Variants in RAD9A observed in about 807,000 individuals in gnomAD.
RAD9A encodes the protein RAD9 checkpoint clamp component A, also known as cell cycle checkpoint control protein RAD9A.
A neutral mutation model predicts 41.2 loss-of-function variants in RAD9A; 25 were observed. That is an observed-to-expected ratio of 0.61 (90% CI 0.44 to 0.85). RAD9A has a LOEUF of 0.85. Among genes scored for constraint, RAD9A ranks in the 40% least tolerant of loss-of-function variants. RAD9A has a pLI of 0.00. For missense variants in RAD9A, 514 were observed against 518.3 expected, an observed-to-expected ratio of 0.99 and a Z score of 0.08; for synonymous variants, 252 against 210.6, an observed-to-expected ratio of 1.20 and a Z score of -1.70.
chr11:67,394,053 T>C (rs1862613024), intron 5 of RAD9A, among the ~76,000 whole-genome samples: 1 of 152,218 alleles, frequency 6.6e-6, no homozygotes, highest in Non-Finnish European at 1.5e-5. Flanking sequence ...AAGGTCTGAC[T>C]TGACTTTCTG....
Position 67,395,831 on chromosome 11 carries a change from G to T in RAD9A, c.559+6G>T. On this transcript the variant is annotated splice_donor_region_variant and intron_variant, in intron 6 of 10. Transcript: ENST00000307980. ...CTACCACGAGGAGGAGGCAGGTGAG[G>T]GGGCTGGACGTGGCCTGGGACAGCA... 19 of 1,613,552 alleles carry T rather than the reference G, an allele frequency of 1.2e-5. No individual in the cohort carries two copies. Among genetic ancestry groups the T allele is most frequent in the Non-Finnish European group, 1.6e-5 (19 of 1,179,908 alleles).
chr11:67,395,518 T>C lies in RAD9A; in HGVS notation c.450-198T>C, dbSNP rs572719210. ...CTCTGGGCCCTCTCCCTGGTCTGCA[T>C]GGTCAGGTGCCGCCTGCCAGGTTTG... On this transcript the variant is annotated intron_variant, in intron 5 of 10. Transcript: ENST00000307980. Among the ~76,000 whole-genome samples, 8 of 152,292 alleles carry C rather than the reference T, an allele frequency of 5.3e-5. No homozygotes were observed. In the South Asian group the frequency reaches 1.7e-3, roughly 32 times the overall value.
chr11:67,395,923 A>G lies in RAD9A; in HGVS notation c.571A>G (p.Lys191Glu). Reference sequence around the variant, plus strand: ...TTCTTCCCCAACAGACAGCACTGCCAAAGCCATGGTGACTGAGATGTGCCT... The same window carrying G: ...TTCTTCCCCAACAGACAGCACTGCCGAAGCCATGGTGACTGAGATGTGCCT... The part of the protein sequence containing the change: ...YHEEEADSTA[K>E]AMVTEMCLGE... The change falls in exon 7 of 11, where the codon AAA becomes GAA. Residue 191 changes from lysine to glutamate, a missense_variant. Physicochemically the swap from Lys to Glu is moderately conservative, Grantham distance 56. Transcript: ENST00000307980. The G allele has an allele frequency of 6.2e-7, 1 of 1,614,210 alleles. No homozygotes were observed. Among genetic ancestry groups the G allele is most frequent in the Non-Finnish European group, 8.5e-7 (1 of 1,180,034 alleles).
chr11:67,396,517 C>A, intron 9 of RAD9A, 117 bp downstream of exon 9: 1 of 1,311,574 alleles, frequency 7.6e-7, no homozygotes, highest in Non-Finnish European at 1.1e-6. Context: ...CCTTCTCTTT[C>A]TATCAGGCCC....
chr11:67,398,163 T>C lies in RAD9A; in HGVS notation c.*604T>C, dbSNP rs1862776324. ...AAGAGCTGCCAGGCAGTGTCTTAGATGTGAGACGGAGGCCATGGCGAGAAT... is the reference window on the plus strand; with the variant it reads ...AAGAGCTGCCAGGCAGTGTCTTAGACGTGAGACGGAGGCCATGGCGAGAAT... On this transcript the variant is annotated 3_prime_UTR_variant, in exon 11 of 11. Transcript: ENST00000307980. The C allele has an allele frequency of 3.5e-6, 1 of 285,814 alleles. No individual in the cohort carries two copies. The highest frequency in any genetic ancestry group is 4.9e-5 in the Admixed American group (1 of 20,226). 17.7% of individuals were successfully genotyped at this position (285,814 alleles called of 1,614,324 possible). A position where few individuals can be genotyped will look rare whatever the true frequency, so the allele number is the denominator to read the frequency against.
chr11:67,395,838 G>A lies in RAD9A; in HGVS notation c.559+13G>A. ...GAGGAGGAGGCAGGTGAGGGGGCTG[G>A]ACGTGGCCTGGGACAGCAGAGTGGC... is the stretch of plus-strand genomic sequence containing the variant. On this transcript the variant is annotated intron_variant, in intron 6 of 10. Coordinates refer to ENST00000307980, the MANE Select transcript of RAD9A (RefSeq NM_004584.3). The A allele has an allele frequency of 6.2e-7, 1 of 1,613,454 alleles. No homozygotes were observed. Among genetic ancestry groups the A allele is most frequent in the Non-Finnish European group, 8.5e-7 (1 of 1,179,806 alleles).
At chr11:67,395,119 TA>T (rs1163439925) in intron 5 of RAD9A, 1 of 152,452 alleles carries the variant, frequency 6.6e-6, no homozygotes. Flanking sequence ...TATATATGTT[TA>T]GTAGAGACGA....
At position 67,398,097 on chromosome 11, in the gene RAD9A, G is replaced by T; in HGVS notation, c.*538G>T. The T allele has an allele frequency of 4.8e-6, 1 of 207,790 alleles. No individual in the cohort carries two copies. Among genetic ancestry groups the T allele is most frequent in the Non-Finnish European group, 9.8e-6 (1 of 102,000 alleles). The allele number at this position is 207,790 out of a possible 1,614,324, so 12.9% of individuals were successfully genotyped here. On this transcript the variant is annotated 3_prime_UTR_variant, in exon 11 of 11. Coordinates refer to ENST00000307980, the MANE Select transcript of RAD9A (RefSeq NM_004584.3). ...CGAGTGTGTGGCTAGGGTTGCCCTG[G>T]CTGGGGCCCGGTGCCGAGACTCCCA...
In RAD9A at chr11:67,393,686, T is replaced by C. The variant is rs767673550; in HGVS notation, c.350-5T>C. The C allele has an allele frequency of 6.2e-7, 1 of 1,612,866 alleles. No individual in the cohort carries two copies. Among genetic ancestry groups the C allele is most frequent in the Non-Finnish European group, 8.5e-7 (1 of 1,179,118 alleles). On this transcript the variant is annotated splice_polypyrimidine_tract_variant and splice_region_variant and intron_variant, in intron 4 of 10. Transcript: ENST00000307980. ...AGGCCCACTGAGACCCTATCGCCCATCCAGGGGTGCGGAAGACTCACAACC... is the reference window on the plus strand; with the variant it reads ...AGGCCCACTGAGACCCTATCGCCCACCCAGGGGTGCGGAAGACTCACAACC...
chr11:67,397,225 A>G lies in RAD9A; in HGVS notation c.919A>G (p.Met307Val), dbSNP rs369628895. The G allele has an allele frequency of 6.8e-6, 11 of 1,613,586 alleles. No individual in the cohort carries two copies. The highest frequency in any genetic ancestry group is 4.0e-5 in the African/African-American group (3 of 74,840). Residue 307 changes from methionine to valine, a missense_variant, in exon 10 of 11, where the codon ATG (methionine) becomes GTG (valine). Met to Val is a conservative substitution (Grantham distance 21, BLOSUM62 1). Coordinates refer to ENST00000307980, the MANE Select transcript of RAD9A (RefSeq NM_004584.3). ...DFANDDIDSYMIAMETTIGNE... is the reference protein window; with the variant it reads ...DFANDDIDSYVIAMETTIGNE... ...TGCCAATGACGACATTGACTCTTACATGATCGCCATGGAAACCACTATAGG... is the reference window on the plus strand; with the variant it reads ...TGCCAATGACGACATTGACTCTTACGTGATCGCCATGGAAACCACTATAGG...
intron 9 of RAD9A, among the ~76,000 whole-genome samples, 166 bp downstream of exon 9, chr11:67,396,566 G>A (rs568469933): frequency 1.3e-5 from 2 of 152,264 alleles, no homozygotes; most frequent in Admixed American, 6.5e-5. Context: ...TGCCAGCCCT[G>A]CAGACTCAGC....
Position 67,397,614 on chromosome 11 carries a change from A to T in RAD9A, c.*55A>T. Reference sequence around the variant, plus strand: ...CCTTGGACTAGACGAAGCCCCAGCCAGTGGCAGAACTGGGTCTCTCAGCCC... The same window carrying T: ...CCTTGGACTAGACGAAGCCCCAGCCTGTGGCAGAACTGGGTCTCTCAGCCC... On this transcript the variant is annotated 3_prime_UTR_variant, in exon 11 of 11. Transcript: ENST00000307980. The T allele has an allele frequency of 6.8e-7, 1 of 1,466,762 alleles. No homozygotes were observed. Among genetic ancestry groups the T allele is most frequent in the Non-Finnish European group, 9.4e-7 (1 of 1,067,510 alleles). 90.9% of individuals were successfully genotyped at this position (1,466,762 alleles called of 1,614,324 possible). A position where few individuals can be genotyped will look rare whatever the true frequency, so the allele number is the denominator to read the frequency against.
intron 5 of RAD9A, among the ~76,000 whole-genome samples, chr11:67,394,541 T>C (rs1862623654): frequency 6.6e-6 from 1 of 152,250 alleles, no homozygotes; most frequent in Admixed American, 6.5e-5. Context: ...TTTCCCCAGG[T>C]TCTTTTGAGC....
chr11:67,394,544 T>C (rs1862623713), intron 5 of RAD9A, among the ~76,000 whole-genome samples: 1 of 152,188 alleles, frequency 6.6e-6, no homozygotes, highest in African/African-American at 2.4e-5. Flanking sequence ...CCCCAGGTTC[T>C]TTTGAGCCAG....
At chr11:67,393,329 T>G in intron 3 of RAD9A, 167 bp from the exon 4 acceptor site, 1 of 1,329,586 alleles carries the variant, frequency 7.5e-7, no homozygotes, top group Non-Finnish European at 9.6e-7. Flanking sequence ...ATTCCAAGCA[T>G]AAGGAAGAGC....
At chr11:67,393,324 A>G in intron 3 of RAD9A, 172 bp from the exon 4 acceptor site, 1 of 1,357,212 alleles carries the variant, frequency 7.4e-7, no homozygotes, top group Non-Finnish European at 9.5e-7. Flanking sequence ...AAGGCATTCC[A>G]AGCATAAGGA....
Position 67,393,758 on chromosome 11 carries a change from C to T in RAD9A, c.417C>T (p.Ala139=), listed in dbSNP as rs1279739477. 6.2e-7 allele frequency: 1 copy of T among 1,612,024 alleles called. No homozygotes were observed. The highest frequency in any genetic ancestry group is 8.5e-7 in the Non-Finnish European group (1 of 1,179,446). The part of the protein sequence containing the change: ...CESLQAVFDP[A]SCPHMLRAPA... ...CCCTGCAGGCCGTCTTCGACCCAGC[C>T]TCGTGCCCCCACATGCTCCGCGCCC... Residue 139 remains alanine (A), a synonymous_variant, in exon 5 of 11, where the codon GCC becomes GCT. Coordinates refer to ENST00000307980, the MANE Select transcript of RAD9A (RefSeq NM_004584.3).
At chr11:67,392,375 TC>T in intron 2 of RAD9A, 144 bp downstream of exon 2, 4 of 898,146 alleles carry the variant, frequency 4.5e-6, no homozygotes, top group Admixed American at 2.8e-5. Context: ...GCTGTCATCT[TC>T]CCAGGCCGGT....
chr11:67,392,253 G>GGT, intron 2 of RAD9A, 22 bp downstream of exon 2: 1 of 1,507,500 alleles, frequency 6.6e-7, no homozygotes, highest in Non-Finnish European at 9.1e-7. Context: ...GGGTGTGGGG[G>GGT]GCGGGTGGGA....
Sources: allele counts gnomAD v4.1 joint callset (sites outside exome capture counted in the v4.1 genomes callset), GRCh38; gene constraint gnomAD v4.1.1; transcripts MANE v1.5; gene names NCBI Gene and HGNC (gene_info 2026-07-23, HGNC 2026-07-21).